Variants in SV2C observed in about 807,000 individuals in gnomAD.
SV2C encodes solute carrier family 22 member B3.
In SV2C, 49 loss-of-function variants were observed where a neutral mutation model predicts 79.7. The observed-to-expected ratio is 0.61, with a 90% confidence interval of 0.49 to 0.78. SV2C has a LOEUF of 0.78. Ranked by LOEUF, SV2C falls within the 30% of genes least tolerant of loss-of-function variation. The pLI is 0.00. For missense variants in SV2C, 833 were observed against 912.9 expected (o/e 0.91, Z 1.13); for synonymous variants, 334 against 333.2 (o/e 1.00, Z -0.03).
chr5:76,279,757 G>C (rs996022885), intron 4 of SV2C, among the ~76,000 whole-genome samples: 1 of 152,186 alleles, frequency 6.6e-6, no homozygotes, highest in African/African-American at 2.4e-5. Flanking sequence ...AAGCCTGTGG[G>C]AGTGGAGGAA....
the SV2C span, among the ~76,000 whole-genome samples, chr5:75,967,330 C>T: frequency 6.6e-6 from 1 of 152,142 alleles, no homozygotes; most frequent in East Asian, 1.9e-4. Flanking sequence ...GGGTGCAGAA[C>T]AGTGAGTGCA....
At chr5:76,342,652 C>T (rs564821493) in intron 12 of SV2C, among the ~76,000 whole-genome samples, 12 of 152,308 alleles carry the variant, frequency 7.9e-5, no homozygotes, top group African/African-American at 2.6e-4. Flanking sequence ...GACCTGAGCT[C>T]ACACCTAAGT....
At chr5:75,858,980 C>CT in the SV2C span, among the ~76,000 whole-genome samples, 463 of 150,328 alleles carry the variant, frequency 3.1e-3, 9 homozygotes, top group East Asian at 0.038. Flanking sequence ...GGTTTTCTCT[C>CT]TTTTTTTTTC....
At chr5:76,146,869 T>A in intron 2 of SV2C, among the ~76,000 whole-genome samples, 1 of 147,632 alleles carries the variant, frequency 6.8e-6, no homozygotes, top group African/African-American at 2.5e-5. Flanking sequence ...AAAAAAAGTT[T>A]TAAAAAGAAA....
chr5:76,205,315 T>A (rs1186397975), intron 3 of SV2C, among the ~76,000 whole-genome samples: 2 of 152,210 alleles, frequency 1.3e-5, no homozygotes, highest in Non-Finnish European at 2.9e-5. Flanking sequence ...TCTTAAGGAA[T>A]AACTCCAACT....
chr5:76,180,661 G>C (rs1331747019), intron 2 of SV2C, among the ~76,000 whole-genome samples: 1 of 152,072 alleles, frequency 6.6e-6, no homozygotes, highest in African/African-American at 2.4e-5. Flanking sequence ...TTCATCTCCT[G>C]TTCTCTGCCT....
chr5:75,995,435 A>G, the SV2C span, among the ~76,000 whole-genome samples: 1 of 152,118 alleles, frequency 6.6e-6, no homozygotes, highest in African/African-American at 2.4e-5. Flanking sequence ...TCCTAGATTG[A>G]TTGGCAGAAC....
At chr5:76,205,203 A>G (rs760890613) in intron 3 of SV2C, among the ~76,000 whole-genome samples, 45 of 151,736 alleles carry the variant, frequency 3.0e-4, no homozygotes, top group Non-Finnish European at 8.8e-5. Flanking sequence ...TTGCCTGTGC[A>G]TTGGGGAGAT....
At chr5:76,310,662 T>A (rs1748406450) in intron 12 of SV2C, among the ~76,000 whole-genome samples, 1 of 152,050 alleles carries the variant, frequency 6.6e-6, no homozygotes, top group African/African-American at 2.4e-5. Flanking sequence ...GGTGAGAAAG[T>A]GGTTAGATTC....
chr5:76,115,782 C>T (rs1481592609), intron 1 of SV2C, among the ~76,000 whole-genome samples: 1 of 152,152 alleles, frequency 6.6e-6, no homozygotes, highest in Non-Finnish European at 1.5e-5. Flanking sequence ...TACTCTAAAC[C>T]CATCTTTCTT....
At chr5:76,048,510 A>T in the SV2C span, among the ~76,000 whole-genome samples, 2 of 152,208 alleles carry the variant, frequency 1.3e-5, no homozygotes, top group Non-Finnish European at 2.9e-5. Flanking sequence ...ATGTCTTACC[A>T]GCTATCTGGG....
chr5:76,116,412 G>A (rs17746749), intron 1 of SV2C, among the ~76,000 whole-genome samples: 42,353 of 152,054 alleles, frequency 0.28, 6,822 homozygotes, highest in East Asian at 0.5. Flanking sequence ...CTGAATGAGT[G>A]ATTGGATCTT....
chr5:76,033,566 A>C, the SV2C span, among the ~76,000 whole-genome samples: 3 of 152,070 alleles, frequency 2.0e-5, no homozygotes, highest in African/African-American at 4.8e-5. Context: ...GTAGATATTC[A>C]GCGTTATTTC....
At chr5:75,896,595 G>T in the SV2C span, among the ~76,000 whole-genome samples, 1 of 151,854 alleles carries the variant, frequency 6.6e-6, no homozygotes, top group African/African-American at 2.4e-5. Flanking sequence ...GGGATGGCTG[G>T]ATCAAATGGT....
At chr5:76,245,345 G>A (rs76237063) in intron 4 of SV2C, among the ~76,000 whole-genome samples, 6,811 of 152,178 alleles carry the variant, frequency 0.045, 510 homozygotes, top group African/African-American at 0.15. Context: ...CTGTGGAAGG[G>A]GTTCCAGGAT....
the SV2C span, among the ~76,000 whole-genome samples, chr5:76,040,795 T>C: frequency 6.6e-6 from 1 of 152,230 alleles, no homozygotes; most frequent in Admixed American, 6.5e-5. Context: ...CTGGCTACCT[T>C]GAGTAGTCAC....
the SV2C span, among the ~76,000 whole-genome samples, chr5:75,897,184 G>A: frequency 2.0e-5 from 3 of 151,014 alleles, no homozygotes; most frequent in Non-Finnish European, 2.9e-5. Flanking sequence ...TTTTCTTCTA[G>A]GGTTTTTATG....
At chr5:76,273,546 C>T (rs556645018) in intron 4 of SV2C, among the ~76,000 whole-genome samples, 1 of 152,168 alleles carries the variant, frequency 6.6e-6, no homozygotes, top group East Asian at 1.9e-4. Context: ...AGAAAATGTG[C>T]TTCTTCGAAA....
intron 2 of SV2C, among the ~76,000 whole-genome samples, chr5:76,184,720 A>G (rs1371159376): frequency 6.6e-6 from 1 of 152,160 alleles, no homozygotes; most frequent in African/African-American, 2.4e-5. Flanking sequence ...CCATGATTCA[A>G]TTATCTCTGC....
Sources: allele counts gnomAD v4.1 joint callset (sites outside exome capture counted in the v4.1 genomes callset), GRCh38; gene constraint gnomAD v4.1.1; transcripts MANE v1.5; gene names NCBI Gene and HGNC (gene_info 2026-07-23, HGNC 2026-07-21).